The following SPRED2 variants were observed in gnomAD, a reference collection of about 807,000 sequenced individuals.
SPRED2 encodes the protein sprouty-related, EVH1 domain-containing protein 2.
Under a neutral mutation model 43.0 loss-of-function variants are expected in SPRED2, and 47 were observed. The observed-to-expected ratio is 1.09, with a 90% CI of 0.87 to 1.40. SPRED2 has a LOEUF of 1.40. Ranked by LOEUF, SPRED2 falls within the 40% of genes most tolerant of loss-of-function variation. The pLI, the probability that SPRED2 is intolerant of heterozygous loss-of-function variation, is 0.00. For missense variants in SPRED2, 561 were observed against 586.4 expected, an observed-to-expected ratio of 0.96 and a Z score of 0.45; for synonymous variants, 225 against 225.7, an observed-to-expected ratio of 1.00 and a Z score of 0.03.
At chr2:65,423,343 C>T (rs1676481385) in intron 1 of SPRED2, among the ~76,000 whole-genome samples, 2 of 152,202 alleles carry the variant, frequency 1.3e-5, no homozygotes, top group African/African-American at 2.4e-5. Flanking sequence ...CAGGTAGGTA[C>T]TCTTACCCTA....
intron 1 of SPRED2, among the ~76,000 whole-genome samples, chr2:65,349,512 T>A (rs1674447875): frequency 6.6e-6 from 1 of 152,194 alleles, no homozygotes; most frequent in African/African-American, 2.4e-5. Flanking sequence ...ATACTATGGG[T>A]TCATCTCAAC....
At chr2:65,350,929 CT>C (rs1238259573) in intron 1 of SPRED2, among the ~76,000 whole-genome samples, 1 of 152,216 alleles carries the variant, frequency 6.6e-6, no homozygotes, top group African/African-American at 2.4e-5. Flanking sequence ...GAAGAAACCT[CT>C]TTTTAAGCTT....
At chr2:65,347,326 G>A (rs1486032557) in intron 1 of SPRED2, among the ~76,000 whole-genome samples, 1 of 151,914 alleles carries the variant, frequency 6.6e-6, no homozygotes, top group East Asian at 1.9e-4. Context: ...ATAGTGAGAG[G>A]GAAAAACCCC....
At chr2:65,322,270 C>CTCTA (rs1468134315) in intron 4 of SPRED2, among the ~76,000 whole-genome samples, 16 of 36,458 alleles carry the variant, frequency 4.4e-4, no homozygotes, top group East Asian at 1.0e-3. Flanking sequence ...CTCTCTCTCT[C>CTCTA]TATATATATA....
intron 1 of SPRED2, among the ~76,000 whole-genome samples, chr2:65,387,396 CG>C (rs368935623): frequency 6.6e-6 from 1 of 152,176 alleles, no homozygotes; most frequent in Non-Finnish European, 1.5e-5. Context: ...ATTTGTAACA[CG>C]GATCAGCTGG....
At chr2:65,356,058 A>G (rs1245511221) in intron 1 of SPRED2, among the ~76,000 whole-genome samples, 3 of 152,246 alleles carry the variant, frequency 2.0e-5, no homozygotes, top group Admixed American at 2.0e-4. Context: ...AAAGTTAATA[A>G]TCTCCAATTT....
chr2:65,411,866 C>T lies in SPRED2; in HGVS notation c.26+20096G>A, dbSNP rs141877508. On this transcript the variant is annotated intron_variant, in intron 1 of 5. Coordinates refer to ENST00000356388, the MANE Select transcript of SPRED2 (RefSeq NM_181784.3). ...CAGCAAGACCAGGCGCGGTGGCTCA[C>T]GCCTGTAATCCCAGCACTTTGGGGG... 9.6e-3 allele frequency among the ~76,000 whole-genome samples: 1,461 copies of T among 152,168 alleles called. 23 individuals carry two copies. The highest frequency in any genetic ancestry group is 0.033 in the African/African-American group (1,358 of 41,524).
intron 4 of SPRED2, among the ~76,000 whole-genome samples, chr2:65,319,950 G>T (rs1048594704): frequency 6.6e-6 from 1 of 152,094 alleles, no homozygotes; most frequent in African/African-American, 2.4e-5. Flanking sequence ...TCACAGCCAG[G>T]TAAGTCCACT....
Position 65,311,004 on chromosome 2 carries a change from T to C in SPRED2, c.*2497A>G. On this transcript the variant is annotated 3_prime_UTR_variant, in exon 6 of 6. Coordinates refer to ENST00000356388, the MANE Select transcript of SPRED2 (RefSeq NM_181784.3). The stretch of plus-strand genomic sequence containing the variant: ...TACACAGAGGTAAAAAGGCTTATTA[T>C]AAAAAAATCAATACAACAGGGTTTT... 1 of 984,240 alleles carries C rather than the reference T, an allele frequency of 1.0e-6. No individual in the cohort carries two copies. Among genetic ancestry groups the C allele is most frequent in the Non-Finnish European group, 1.2e-6 (1 of 828,496 alleles). The allele number at this position is 984,240 out of a possible 1,614,324, so 61.0% of individuals were successfully genotyped here.
chr2:65,345,215 C>T lies in SPRED2; in HGVS notation c.27-319G>A, dbSNP rs1278698884. 3.5e-5 allele frequency among the ~76,000 whole-genome samples: 5 copies of T among 143,538 alleles called. No homozygotes were observed. The East Asian group carries it at 8.4e-4, about 24-fold the overall frequency. The allele number at this position is 143,538 out of a possible 152,430, so 94.2% of individuals were successfully genotyped here. A position where few individuals can be genotyped will look rare whatever the true frequency, so the allele number is the denominator to read the frequency against. ...TGAATTGATTTCTGTAATTCAGTAT[C>T]TTTAGGTTGGAAAGACACACACCTA... On this transcript the variant is annotated intron_variant, in intron 1 of 5. Transcript: ENST00000356388.
chr2:65,322,268 CTCTA>C (rs1330800164), intron 4 of SPRED2, among the ~76,000 whole-genome samples: 1,366 of 38,180 alleles, frequency 0.036, 16 homozygotes, highest in Non-Finnish European at 0.046. Flanking sequence ...CTCTCTCTCT[CTCTA>C]TATATATATA....
chr2:65,328,425 T>G (rs1673709166), intron 4 of SPRED2, among the ~76,000 whole-genome samples: 1 of 152,214 alleles, frequency 6.6e-6, no homozygotes, highest in African/African-American at 2.4e-5. Flanking sequence ...GGGCTTGCAT[T>G]CTGGGACAGC....
At chr2:65,352,376 C>A (rs1037318094) in intron 1 of SPRED2, among the ~76,000 whole-genome samples, 2 of 152,238 alleles carry the variant, frequency 1.3e-5, no homozygotes, top group African/African-American at 4.8e-5. Flanking sequence ...TATTTAACAT[C>A]AGTGAAATCA....
chr2:65,418,617 G>C (rs944631691), intron 1 of SPRED2, among the ~76,000 whole-genome samples: 3 of 151,162 alleles, frequency 2.0e-5, no homozygotes, highest in African/African-American at 7.3e-5. Flanking sequence ...ATACTGGCAC[G>C]ACCTTGGCTC....
intron 1 of SPRED2, among the ~76,000 whole-genome samples, chr2:65,382,692 C>T (rs945374877): frequency 3.3e-5 from 5 of 152,232 alleles, no homozygotes; most frequent in Admixed American, 3.3e-4. Context: ...TTTGTTTCCA[C>T]AGTAACCAAA....
At chr2:65,342,949 T>TA (rs1452558200) in intron 2 of SPRED2, among the ~76,000 whole-genome samples, 3 of 151,940 alleles carry the variant, frequency 2.0e-5, no homozygotes, top group Admixed American at 1.3e-4. Flanking sequence ...CCTGCCTTTT[T>TA]AAAAAAAAGT....
chr2:65,401,567 G>A (rs1257261104), intron 1 of SPRED2, among the ~76,000 whole-genome samples: 3 of 151,712 alleles, frequency 2.0e-5, no homozygotes, highest in East Asian at 4.0e-4. Context: ...AGGCTGAGGC[G>A]GGCAGATCAT....
intron 1 of SPRED2, chr2:65,377,599 G>A (rs111332916): frequency 4.2e-6 from 2 of 471,208 alleles, no homozygotes; most frequent in African/African-American, 2.0e-5. Context: ...TTACCTCAGA[G>A]GGCAGAAACT....
intron 4 of SPRED2, among the ~76,000 whole-genome samples, chr2:65,325,980 CA>C (rs1202722666): frequency 0.023 from 2,867 of 126,810 alleles, 67 homozygotes; most frequent in African/African-American, 0.068. Context: ...AAGACTGTCT[CA>C]AAAAAAAAAA....
Sources: gnomAD v4.1 joint callset for allele counts (sites outside exome capture counted in the v4.1 genomes callset) on GRCh38, gnomAD v4.1.1 for gene constraint, MANE v1.5 for transcripts, NCBI Gene and HGNC (gene_info 2026-07-23, HGNC 2026-07-21) for gene names.